Variants in RRM1 observed in about 807,000 individuals in gnomAD.
RRM1 encodes the protein ribonucleoside-diphosphate reductase large subunit.
Under a neutral mutation model 101.5 loss-of-function variants are expected in RRM1, and 19 were observed. The observed-to-expected ratio is 0.19, with a 90% CI of 0.13 to 0.27. RRM1 has a LOEUF of 0.27. Ranked by LOEUF, RRM1 falls within the 10% of genes least tolerant of loss-of-function variation. RRM1 has a pLI of 1.00. For missense variants in RRM1, 500 were observed against 962.9 expected, an observed-to-expected ratio of 0.52 and a Z score of 6.36; for synonymous variants, 298 against 323.4, an observed-to-expected ratio of 0.92 and a Z score of 0.84.
chr11:4,116,976 G>A (rs232044), intron 7 of RRM1, among the ~76,000 whole-genome samples: 74,018 of 147,724 alleles, frequency 0.5, 18,930 homozygotes, highest in Non-Finnish European at 0.58. Context: ...CAAAAAAAAA[G>A]AAAAGAAAAG....
chr11:4,126,808 A>C lies in RRM1; in HGVS notation c.1445A>C (p.Asp482Ala). 6.2e-7 allele frequency: 1 copy of C among 1,612,924 alleles called. No homozygotes were observed. Among genetic ancestry groups the C allele is most frequent in the South Asian group, 1.1e-5 (1 of 90,972 alleles). The part of the protein sequence containing the change: ...VVVRNLNKII[D>A]INYYPVPEAC... ...GTCCGAAACTTGAATAAAATTATTG[A>C]TATAAACTACTATCCTGTACCAGAG... Residue 482 changes from aspartate (D) to alanine (A), a missense_variant, in exon 13 of 19, where the codon GAT becomes GCT. Asp to Ala is a moderately radical substitution (Grantham distance 126, BLOSUM62 -2). Around this residue, in one of 9 missense-constraint regions of RRM1, gnomAD observed 106 missense variants for 138.1 expected, o/e 0.77. Coordinates refer to ENST00000300738, the MANE Select transcript of RRM1 (RefSeq NM_001033.5).
In RRM1 at chr11:4,107,686, T is replaced by G. The variant is rs2094560104; in HGVS notation, c.387+151T>G. On this transcript the variant is annotated intron_variant, in intron 4 of 18. Transcript: ENST00000300738. ...TGATTTTCCTCTCTAGAAACAACTT[T>G]ATCATTTTAAAATGTATTTTTCCAG... 4 of 594,636 alleles carry G rather than the reference T, an allele frequency of 6.7e-6. No homozygotes were observed. In the Admixed American group the frequency reaches 1.2e-4, roughly 18 times the overall value. 36.8% of individuals were successfully genotyped at this position (594,636 alleles called of 1,614,324 possible).
intron 1 of RRM1, among the ~76,000 whole-genome samples, chr11:4,099,840 G>A (rs1590710004): frequency 6.6e-6 from 1 of 151,830 alleles, no homozygotes; most frequent in African/African-American, 2.4e-5. Flanking sequence ...ATTTTCAAGT[G>A]TGAGTTAAGA....
chr11:4,126,625 T>G, intron 12 of RRM1, 59 bp from the exon 13 acceptor site: 2 of 1,523,750 alleles, frequency 1.3e-6, no homozygotes, highest in Middle Eastern at 1.7e-4. Flanking sequence ...GGTGGTGTAA[T>G]TGACACAGGA....
rs2094574224 is a variant in RRM1 at position 4,116,812 on chromosome 11, A to T, written c.651-1508A>T. On this transcript the variant is annotated intron_variant, in intron 7 of 18. Transcript: ENST00000300738. ...AATGAGAGCCTGTCTCTACAAAAGT[A>T]GAAAATTAGCCAGGCGTGGTGGTGC... Among the ~76,000 whole-genome samples, 3 of 149,358 alleles carry T rather than the reference A, an allele frequency of 2.0e-5. No homozygotes were observed. The South Asian group carries it at 6.4e-4, about 32-fold the overall frequency.
intron 7 of RRM1, among the ~76,000 whole-genome samples, chr11:4,112,377 T>C (rs941263925): frequency 1.3e-5 from 2 of 152,022 alleles, no homozygotes; most frequent in African/African-American, 4.8e-5. Flanking sequence ...TTTTTTTTTG[T>C]TGTTGAGACA....
Position 4,138,217 on chromosome 11 carries a change from AT to A in RRM1, c.2216del (p.Leu739Ter). On this transcript the variant is annotated frameshift_variant, in exon 19 of 19. Transcript: ENST00000300738. LOFTEE classifies it high-confidence loss of function. The stretch of plus-strand genomic sequence containing the variant: ...TAGGGTTTGAAGACTGGGATGTATT[AT>A]TTAAGGACAAGACCAGCGGCTAATC... ...WKQGLKTGMYYLRTRPAANPI... is the reference protein window; with the variant it reads ...WKQGLKTGMYXLRTRPAANPI... The A allele has an allele frequency of 6.3e-7, 1 of 1,585,268 alleles. No individual in the cohort carries two copies. Among genetic ancestry groups the A allele is most frequent in the Non-Finnish European group, 8.6e-7 (1 of 1,157,256 alleles).
chr11:4,107,714 C>T, intron 4 of RRM1, 179 bp downstream of exon 4: 1 of 579,806 alleles, frequency 1.7e-6, no homozygotes, highest in Non-Finnish European at 3.1e-6. Context: ...TTTTCCAGAG[C>T]TATTTTGTAC....
At chr11:4,128,344 T>C (rs555264670) in intron 14 of RRM1, among the ~76,000 whole-genome samples, 27 of 152,222 alleles carry the variant, frequency 1.8e-4, no homozygotes, top group African/African-American at 4.8e-4. Flanking sequence ...ACTTGTGACC[T>C]CAAGTGATCC....
chr11:4,134,021 C>T (rs2094605017), intron 17 of RRM1, among the ~76,000 whole-genome samples: 2 of 112,046 alleles, frequency 1.8e-5, no homozygotes, highest in Non-Finnish European at 3.3e-5. Flanking sequence ...AAGTCTCTGT[C>T]GCCCAGGCTG....
At chr11:4,099,148 T>G (rs2094547376) in intron 1 of RRM1, among the ~76,000 whole-genome samples, 1 of 152,110 alleles carries the variant, frequency 6.6e-6, no homozygotes, top group African/African-American at 2.4e-5. Flanking sequence ...TTTAATTTTA[T>G]TTTTTATTTT....
Position 4,102,496 on chromosome 11 carries a change from A to G in RRM1, c.108+415A>G, listed in dbSNP as rs189025400. 5.4e-3 allele frequency among the ~76,000 whole-genome samples: 819 copies of G among 152,190 alleles called. 9 individuals carry two copies. The highest frequency in any genetic ancestry group is 8.9e-3 in the Non-Finnish European group (606 of 68,000). Reference sequence around the variant, plus strand: ...AACATGGTGAAACCCCGTCTCTACTAAAAATGCAAAAATTAGCCGGGCCTG... The same window carrying G: ...AACATGGTGAAACCCCGTCTCTACTGAAAATGCAAAAATTAGCCGGGCCTG... On this transcript the variant is annotated intron_variant, in intron 2 of 18. Coordinates refer to ENST00000300738, the MANE Select transcript of RRM1 (RefSeq NM_001033.5).
In RRM1 at chr11:4,126,310, A is replaced by G. The variant is rs114589188; in HGVS notation, c.1321-374A>G. 6.5e-3 allele frequency among the ~76,000 whole-genome samples: 996 copies of G among 152,366 alleles called. 4 individuals are homozygous for G. The highest frequency in any genetic ancestry group is 0.022 in the African/African-American group (922 of 41,592). On this transcript the variant is annotated intron_variant, in intron 12 of 18. Transcript: ENST00000300738. ...TCAAATTTTATTTCATTTTAAATAG[A>G]TATATGTAGCCAGTGGCTACCATAT...
intron 15 of RRM1, among the ~76,000 whole-genome samples, chr11:4,130,104 TC>T (rs1415871903): frequency 4.4e-5 from 4 of 90,596 alleles, no homozygotes; most frequent in African/African-American, 1.9e-4. Flanking sequence ...TTTTTTTTTT[TC>T]CCCTCAAAAT....
In RRM1 at chr11:4,123,294, C is replaced by T. The variant is rs1235891624; in HGVS notation, c.1230C>T (p.Ser410=). ...TGTPYMLYKD[S]CNRKSNQQNL... Reference sequence around the variant, plus strand: ...CCCCGTATATGCTCTACAAAGATTCCTGTAATCGAAAGAGCAACCAGCAGA... The same window carrying T: ...CCCCGTATATGCTCTACAAAGATTCTTGTAATCGAAAGAGCAACCAGCAGA... The change falls in exon 12 of 19, where the codon TCC becomes TCT. Residue 410 remains serine (S), a synonymous_variant. Transcript: ENST00000300738. 2 of 1,614,074 alleles carry T rather than the reference C, an allele frequency of 1.2e-6. No individual in the cohort carries two copies. The highest frequency in any genetic ancestry group is 2.2e-5 in the South Asian group (2 of 91,078).
chr11:4,110,313 C>T (rs1311453057), intron 5 of RRM1, among the ~76,000 whole-genome samples: 3 of 152,038 alleles, frequency 2.0e-5, no homozygotes, highest in Non-Finnish European at 2.9e-5. Context: ...CCACCATGCC[C>T]AGCTAATGTT....
Position 4,123,375 on chromosome 11 carries a change from C to G in RRM1, c.1311C>G (p.Ser437Arg). The change falls in exon 12 of 19, where the codon AGC becomes AGG. Residue 437 changes from serine to arginine, a missense_variant. Transcript: ENST00000300738. ...GCACAGAAATAGTGGAGTACACCAG[C>G]AAAGATGAGGTAGGTAGAAAAAATT... is the stretch of plus-strand genomic sequence containing the variant. ...NLCTEIVEYT[S>R]KDEVAVCNLA... 6.2e-7 allele frequency: 1 copy of G among 1,613,668 alleles called. No individual in the cohort carries two copies. Among genetic ancestry groups the G allele is most frequent in the African/African-American group, 1.3e-5 (1 of 74,992 alleles).
intron 3 of RRM1, 66 bp downstream of exon 3, chr11:4,106,289 A>C: frequency 7.4e-7 from 1 of 1,358,146 alleles, no homozygotes; most frequent in Non-Finnish European, 1.0e-6. Context: ...ACTAGAAATA[A>C]ATCTTGACTG....
At chr11:4,112,911 G>A (rs1405881759) in intron 7 of RRM1, among the ~76,000 whole-genome samples, 1 of 152,086 alleles carries the variant, frequency 6.6e-6, no homozygotes, top group African/African-American at 2.4e-5. Flanking sequence ...AGGCTGCCGT[G>A]AGCCATGATT....
Sources: gnomAD v4.1 joint callset for allele counts (sites outside exome capture counted in the v4.1 genomes callset) on GRCh38, gnomAD v4.1.1 for gene constraint, gnomAD v4.1.1 regional missense constraint, MANE v1.5 for transcripts, NCBI Gene and HGNC (gene_info 2026-07-23, HGNC 2026-07-21) for gene names.